WT1: variants seen among roughly 807,000 people sequenced by gnomAD.
The protein encoded by WT1 is Wilms tumor protein.
A neutral mutation model predicts 60.8 loss-of-function variants in WT1; 8 were observed. That is an observed-to-expected ratio of 0.13 (90% CI 0.08 to 0.24). The LOEUF (loss-of-function observed/expected upper bound fraction) is 0.24, where lower values mean the gene tolerates loss of function less well. Among genes scored for constraint, WT1 ranks in the 10% least tolerant of loss-of-function variants. The probability of loss-of-function intolerance (pLI) is 1.00; values close to 1 mark genes in which losing one functional copy is unlikely to be tolerated. For missense variants in WT1, 568 were observed against 711.8 expected, an observed-to-expected ratio of 0.80 and a Z score of 2.30; for synonymous variants, 312 against 297.1, an observed-to-expected ratio of 1.05 and a Z score of -0.52.
rs754336808 is a variant in WT1, at chr11:32,417,617, T to C, written c.925A>G (p.Met309Val). Residue 309 changes from methionine to valine, a missense_variant, in exon 4 of 10, where the codon ATG becomes GTG. Transcript: ENST00000452863. ...CCTAAGTTCATCTGATTCCAGGTCA[T>C]GCATTCAAGCTGGGATGTCATTTGG... is the stretch of plus-strand genomic sequence containing the variant. The C allele has an allele frequency of 3.3e-5, 53 of 1,613,974 alleles. No homozygotes were observed. The highest frequency in any genetic ancestry group is 4.2e-5 in the Non-Finnish European group (50 of 1,179,980).
chr11:32,404,563 C>T lies in WT1; in HGVS notation c.1017-4519G>A, dbSNP rs78350046. Reference sequence around the variant, plus strand: ...TTCTCCTGTCCTGCCACAGAGACCACTCTGTGCTAGAAGCCACTCTCCAAC... The same window carrying T: ...TTCTCCTGTCCTGCCACAGAGACCATTCTGTGCTAGAAGCCACTCTCCAAC... On this transcript the variant is annotated intron_variant, in intron 5 of 9. Transcript: ENST00000452863. Among the ~76,000 whole-genome samples, 1,519 of 152,210 alleles carry T rather than the reference C, an allele frequency of 1.0e-2. 26 individuals are homozygous for T. The highest frequency in any genetic ancestry group is 0.034 in the African/African-American group (1,432 of 41,522).
At chr11:32,428,997 C>T (rs1010123242) in intron 1 of WT1, 3 of 343,028 alleles carry the variant, frequency 8.7e-6, no homozygotes, top group African/African-American at 4.2e-5. Context: ...GCAGCTCTTC[C>T]GCAGGAGCAG....
chr11:32,426,381 A>G (rs1474361298), intron 3 of WT1, among the ~76,000 whole-genome samples: 1 of 152,192 alleles, frequency 6.6e-6, no homozygotes, highest in Non-Finnish European at 1.5e-5. Flanking sequence ...GCTACACAAG[A>G]AGAATGGCAA....
chr11:32,399,048 C>T (rs1449692767), intron 6 of WT1, among the ~76,000 whole-genome samples: 11 of 149,964 alleles, frequency 7.3e-5, no homozygotes, highest in African/African-American at 2.7e-4. Flanking sequence ...CCCAGCTACT[C>T]GGGAGGCTGA....
chr11:32,398,303 T>C (rs1192263695), intron 6 of WT1, among the ~76,000 whole-genome samples: 1 of 152,160 alleles, frequency 6.6e-6, no homozygotes, highest in East Asian at 1.9e-4. Context: ...CTGGTGAAAG[T>C]ATCACTGCTG....
At chr11:32,419,206 G>T (rs1374232738) in intron 3 of WT1, among the ~76,000 whole-genome samples, 1 of 152,180 alleles carries the variant, frequency 6.6e-6, no homozygotes. Flanking sequence ...TATTAGAAGT[G>T]CCAGCCTGCA....
intron 5 of WT1, among the ~76,000 whole-genome samples, chr11:32,414,598 C>T (rs565959899): frequency 2.6e-5 from 4 of 152,242 alleles, no homozygotes; most frequent in East Asian, 1.9e-4. Flanking sequence ...TTAGTCAGGG[C>T]GCAGCAGCTC....
At chr11:32,411,974 C>A (rs1036105545) in intron 5 of WT1, among the ~76,000 whole-genome samples, 1 of 152,164 alleles carries the variant, frequency 6.6e-6, no homozygotes, top group African/African-American at 2.4e-5. Flanking sequence ...GTAGGCTCGG[C>A]AATGCTGATA....
intron 5 of WT1, among the ~76,000 whole-genome samples, chr11:32,415,864 G>C (rs1257915048): frequency 6.6e-6 from 1 of 152,076 alleles, no homozygotes; most frequent in Non-Finnish European, 1.5e-5. Context: ...ATACAACTCT[G>C]TTGATTACTG....
intron 5 of WT1, among the ~76,000 whole-genome samples, chr11:32,409,240 C>T (rs74982779): frequency 0.057 from 8,678 of 151,894 alleles, 465 homozygotes; most frequent in African/African-American, 0.14. Flanking sequence ...TTAAAAAATA[C>T]CAGAAATAAT....
Position 32,391,994 on chromosome 11 carries a change from G to C in WT1, c.1425C>G (p.Thr475=), listed in dbSNP as rs2132913876. The C allele has an allele frequency of 1.2e-6, 2 of 1,614,082 alleles. No homozygotes were observed. The highest frequency in any genetic ancestry group is 1.7e-6 in the Non-Finnish European group (2 of 1,180,000). Residue 475 remains threonine, a synonymous_variant, in exon 9 of 10, where the codon ACC becomes ACG. Transcript: ENST00000452863. ...CACTTGTTTTACCTGTATGAGTCCTGGTGTGGGTCTTCAGGTGGTCGGACC... is the reference window on the plus strand; with the variant it reads ...CACTTGTTTTACCTGTATGAGTCCTCGTGTGGGTCTTCAGGTGGTCGGACC...
intron 5 of WT1, among the ~76,000 whole-genome samples, chr11:32,408,403 T>C (rs1852388098): frequency 6.7e-6 from 1 of 149,212 alleles, no homozygotes; most frequent in South Asian, 2.1e-4. Flanking sequence ...TAGTCCCAGC[T>C]ACTTGGGAGG....
chr11:32,435,161 G>C lies in WT1; in HGVS notation c.200C>G (p.Ser67Cys), dbSNP rs1327516147. The change falls in exon 1 of 10, where the codon TCC becomes TGC. Residue 67 changes from serine (S) to cysteine (C), a missense_variant. This residue lies in a region of WT1 where 523 missense variants were observed against 565.1 expected (regional missense o/e 0.93). Coordinates refer to ENST00000452863, the MANE Select transcript of WT1 (RefSeq NM_024426.6). ...GCCCATTTGCTGCGGCTCAGACCCG[G>C]ACGCCCCGCGGCTCCTCCGGCCCTG... is the stretch of plus-strand genomic sequence containing the variant. 4 of 1,521,660 alleles carry C rather than the reference G, an allele frequency of 2.6e-6. No individual in the cohort carries two copies. Among genetic ancestry groups the C allele is most frequent in the Non-Finnish European group, 3.5e-6 (4 of 1,140,612 alleles). The allele number at this position is 1,521,660 out of a possible 1,614,324, so 94.3% of individuals were successfully genotyped here. A position where few individuals can be genotyped will look rare whatever the true frequency, so the allele number is the denominator to read the frequency against.
rs369162648 is a variant in WT1 at position 32,434,682 on chromosome 11, G to T, written c.661+18C>A. The T allele has an allele frequency of 1.2e-6, 2 of 1,612,436 alleles. No homozygotes were observed. Among genetic ancestry groups the T allele is most frequent in the Admixed American group, 1.7e-5 (1 of 60,004 alleles). On this transcript the variant is annotated intron_variant, in intron 1 of 9. Transcript: ENST00000452863. ...CGCCACTGCCCCGCGCGTAGGGGGC[G>T]CTCCCCGGCCTACTTACCCTGATTG...
intron 9 of WT1, among the ~76,000 whole-genome samples, chr11:32,390,516 C>T (rs528029694): frequency 1.4e-4 from 22 of 152,292 alleles, no homozygotes; most frequent in African/African-American, 5.3e-4. Flanking sequence ...GCCACAGGTG[C>T]CTTGGCTCTG....
intron 9 of WT1, among the ~76,000 whole-genome samples, chr11:32,390,907 A>C (rs1360468629): frequency 6.6e-6 from 1 of 152,196 alleles, no homozygotes; most frequent in African/African-American, 2.4e-5. Flanking sequence ...AAGCCATTGA[A>C]TTATTATTGC....
intron 3 of WT1, among the ~76,000 whole-genome samples, chr11:32,426,683 G>C (rs1853050630): frequency 6.6e-6 from 1 of 151,408 alleles, no homozygotes; most frequent in Non-Finnish European, 1.5e-5. Flanking sequence ...ATGTTCCGGG[G>C]GAAAAAAAGG....
chr11:32,424,021 G>T (rs1415738855), intron 3 of WT1, among the ~76,000 whole-genome samples: 1 of 152,090 alleles, frequency 6.6e-6, no homozygotes, highest in Non-Finnish European at 1.5e-5. Context: ...AATTAGCCAG[G>T]CGTGGTGGCA....
chr11:32,428,675 A>C (rs1853155125), intron 1 of WT1, 56 bp from the exon 2 acceptor site: 1 of 1,585,332 alleles, frequency 6.3e-7, no homozygotes, highest in Non-Finnish European at 8.5e-7. Flanking sequence ...AAGACGGGGC[A>C]GTGGGTCTGA....
Sources: gnomAD v4.1 joint callset for allele counts (sites outside exome capture counted in the v4.1 genomes callset) on GRCh38, gnomAD v4.1.1 for gene constraint, gnomAD v4.1.1 regional missense constraint, MANE v1.5 for transcripts, NCBI Gene and HGNC (gene_info 2026-07-23, HGNC 2026-07-21) for gene names.